FBXL7: variants seen among roughly 807,000 people sequenced by gnomAD.
FBXL7 encodes the protein F-box/LRR-repeat protein 7.
A neutral mutation model predicts 38.3 loss-of-function variants in FBXL7; 12 were observed. The ratio of observed to expected loss-of-function variants is 0.31; its 90% CI spans 0.20 to 0.51. The LOEUF (loss-of-function observed/expected upper bound fraction) is 0.51, where lower values mean the gene tolerates loss of function less well. FBXL7 is among the 20% of genes least tolerant of loss of function. The probability of loss-of-function intolerance (pLI) is 0.98; values close to 1 mark genes in which losing one functional copy is unlikely to be tolerated. For missense variants in FBXL7, 567 were observed against 676.4 expected, an observed-to-expected ratio of 0.84 and a Z score of 1.79; for synonymous variants, 297 against 300.9, an observed-to-expected ratio of 0.99 and a Z score of 0.13.
intron 1 of FBXL7, among the ~76,000 whole-genome samples, chr5:15,547,132 C>T (rs959069326): frequency 1.3e-5 from 2 of 152,046 alleles, no homozygotes; most frequent in African/African-American, 2.4e-5. Flanking sequence ...TGAGGTTGCC[C>T]GAGGAGAGGT....
At chr5:15,591,321 C>T (rs764982229) in intron 1 of FBXL7, among the ~76,000 whole-genome samples, 30 of 151,070 alleles carry the variant, frequency 2.0e-4, no homozygotes, top group African/African-American at 6.1e-4. Flanking sequence ...CCCAGCTACT[C>T]GGGAGGCTGA....
chr5:15,544,424 T>A (rs1219849469), intron 1 of FBXL7, among the ~76,000 whole-genome samples: 1 of 152,224 alleles, frequency 6.6e-6, no homozygotes, highest in African/African-American at 2.4e-5. Context: ...GGCATCCTTT[T>A]TAAGAATCAT....
intron 2 of FBXL7, among the ~76,000 whole-genome samples, chr5:15,689,136 T>C (rs1265445654): frequency 6.6e-6 from 1 of 152,142 alleles, no homozygotes; most frequent in East Asian, 1.9e-4. Context: ...ATGCGACAGC[T>C]CCTATTGCTG....
Position 15,749,730 on chromosome 5 carries a change from G to T in FBXL7, c.127+133658G>T, listed in dbSNP as rs189062450. 1.6e-3 allele frequency among the ~76,000 whole-genome samples: 248 copies of T among 152,306 alleles called. 2 individuals carry two copies. The highest frequency in any genetic ancestry group is 5.4e-3 in the African/African-American group (225 of 41,566). On this transcript the variant is annotated intron_variant, in intron 2 of 3. Coordinates refer to ENST00000504595, the MANE Select transcript of FBXL7 (RefSeq NM_012304.5). Reference sequence around the variant, plus strand: ...GATGGGATGTCTGAATTGTAGAATCGTTTCCATGTAATGCATTGGATTATA... The same window carrying T: ...GATGGGATGTCTGAATTGTAGAATCTTTTCCATGTAATGCATTGGATTATA...
At chr5:15,921,810 G>T (rs768758289) in intron 2 of FBXL7, among the ~76,000 whole-genome samples, 2 of 152,188 alleles carry the variant, frequency 1.3e-5, no homozygotes, top group Non-Finnish European at 2.9e-5. Flanking sequence ...CCTCACACGT[G>T]TTAGGAGATC....
At chr5:15,748,412 T>TG (rs1323663276) in intron 2 of FBXL7, among the ~76,000 whole-genome samples, 1 of 152,170 alleles carries the variant, frequency 6.6e-6, no homozygotes, top group African/African-American at 2.4e-5. Context: ...GTGTCAAGGG[T>TG]GGGGCCAGGT....
In FBXL7 at chr5:15,636,766, ATTTTTAGTTTGGATGTC is replaced by A. The variant is rs572912023; in HGVS notation, c.127+20698_127+20714del. On this transcript the variant is annotated intron_variant, in intron 2 of 3. Coordinates refer to ENST00000504595, the MANE Select transcript of FBXL7 (RefSeq NM_012304.5). Reference sequence around the variant, plus strand: ...ATCATAGAGCAGAATATCCTTTGTGATTTTTAGTTTGGATGTCTTTAAACTCTGTAAGGTTAAAATAT... The same window carrying A: ...ATCATAGAGCAGAATATCCTTTGTGATTTAAACTCTGTAAGGTTAAAATAT... Among the ~76,000 whole-genome samples, 364 of 145,680 alleles carry A rather than the reference ATTTTTAGTTTGGATGTC, an allele frequency of 2.5e-3. 3 individuals are homozygous for A. The highest frequency in any genetic ancestry group is 0.011 in the Middle Eastern group (3 of 282).
chr5:15,635,026 G>A (rs1256128115), intron 2 of FBXL7, among the ~76,000 whole-genome samples: 1 of 139,730 alleles, frequency 7.2e-6, no homozygotes, highest in Non-Finnish European at 1.6e-5. Context: ...TTAGAATGTG[G>A]ACAATTTTTT....
At chr5:15,538,884 T>G (rs1737660287) in intron 1 of FBXL7, among the ~76,000 whole-genome samples, 1 of 152,190 alleles carries the variant, frequency 6.6e-6, no homozygotes, top group East Asian at 1.9e-4. Flanking sequence ...TCGGTAATTC[T>G]TCTGTACAGC....
At chr5:15,757,046 C>G (rs1736316369) in intron 2 of FBXL7, among the ~76,000 whole-genome samples, 1 of 152,062 alleles carries the variant, frequency 6.6e-6, no homozygotes, top group African/African-American at 2.4e-5. Context: ...CTCCTTTATT[C>G]AGCAGCAGTG....
intron 2 of FBXL7, among the ~76,000 whole-genome samples, chr5:15,652,876 G>A (rs2126572633): frequency 6.6e-6 from 1 of 152,238 alleles, no homozygotes; most frequent in South Asian, 2.1e-4. Flanking sequence ...AAATAACTAA[G>A]TAAGCATATT....
chr5:15,702,751 T>C (rs535493296), intron 2 of FBXL7, among the ~76,000 whole-genome samples: 9 of 152,286 alleles, frequency 5.9e-5, no homozygotes, highest in Non-Finnish European at 1.2e-4. Flanking sequence ...TGCGCGTCCA[T>C]GTGAAGAGAC....
rs1742224159 is a variant in FBXL7 at position 15,937,263 on chromosome 5, C to T, written c.*77C>T. On this transcript the variant is annotated 3_prime_UTR_variant, in exon 4 of 4. Coordinates refer to ENST00000504595, the MANE Select transcript of FBXL7 (RefSeq NM_012304.5). ...TTTTTTTAAAAGCAGCGTATGTAAG[C>T]ACCGACACCCACTCAAAACAGCTCT... 8 of 1,414,722 alleles carry T rather than the reference C, an allele frequency of 5.7e-6. No homozygotes were observed. The highest frequency in any genetic ancestry group is 7.4e-6 in the Non-Finnish European group (8 of 1,076,452). The allele number at this position is 1,414,722 out of a possible 1,614,324, so 87.6% of individuals were successfully genotyped here.
intron 2 of FBXL7, among the ~76,000 whole-genome samples, chr5:15,924,798 T>C (rs546274481): frequency 2.6e-5 from 4 of 152,190 alleles, no homozygotes; most frequent in Non-Finnish European, 5.9e-5. Flanking sequence ...GACTAATTTT[T>C]GTATTTTTAG....
intron 1 of FBXL7, among the ~76,000 whole-genome samples, chr5:15,572,738 G>A (rs938882511): frequency 6.6e-6 from 1 of 152,138 alleles, no homozygotes; most frequent in Non-Finnish European, 1.5e-5. Context: ...GCTTAAAGAA[G>A]GATTAGGAAG....
chr5:15,939,216 G>T lies in FBXL7; in HGVS notation c.*2030G>T. ...TGGGGGAAATGAATCATTTAGCTAG[G>T]CCAGGATCTAGTGAAAGCCACAGAG... On this transcript the variant is annotated 3_prime_UTR_variant, in exon 4 of 4. Coordinates refer to ENST00000504595, the MANE Select transcript of FBXL7 (RefSeq NM_012304.5). 2 of 395,978 alleles carry T rather than the reference G, an allele frequency of 5.1e-6. No individual in the cohort carries two copies. The highest frequency in any genetic ancestry group is 3.6e-5 in the East Asian group (1 of 27,946). 24.5% of individuals were successfully genotyped at this position (395,978 alleles called of 1,614,324 possible).
chr5:15,829,702 A>G (rs2126772310), intron 2 of FBXL7, among the ~76,000 whole-genome samples: 1 of 152,312 alleles, frequency 6.6e-6, no homozygotes, highest in East Asian at 1.9e-4. Flanking sequence ...GTCCTCACTC[A>G]GTCTGTATTT....
At chr5:15,734,031 C>T (rs7713555) in intron 2 of FBXL7, among the ~76,000 whole-genome samples, 2 of 151,116 alleles carry the variant, frequency 1.3e-5, no homozygotes, top group South Asian at 2.1e-4. Context: ...CTCTTGAACC[C>T]GGGACCCGGG....
chr5:15,905,549 C>G (rs1193992480), intron 2 of FBXL7, among the ~76,000 whole-genome samples: 1 of 151,780 alleles, frequency 6.6e-6, no homozygotes, highest in African/African-American at 2.4e-5. Flanking sequence ...ATCTTCAGTC[C>G]TCTTTGCTTT....
Sources: gnomAD v4.1 joint callset for allele counts (sites outside exome capture counted in the v4.1 genomes callset) on GRCh38, gnomAD v4.1.1 for gene constraint, MANE v1.5 for transcripts, NCBI Gene and HGNC (gene_info 2026-07-23, HGNC 2026-07-21) for gene names.